The following MGMT variants were observed in gnomAD, a reference collection of about 807,000 sequenced individuals.
The protein encoded by MGMT is O-6-methylguanine-DNA methyltransferase.
In MGMT, 14 loss-of-function variants were observed where a neutral mutation model predicts 15.9. The ratio of observed to expected loss-of-function variants is 0.88; its 90% confidence interval spans 0.58 to 1.37. The LOEUF (loss-of-function observed/expected upper bound fraction) is 1.37, where lower values mean the gene tolerates loss of function less well. Ranked by LOEUF, MGMT falls within the 40% of genes most tolerant of loss-of-function variation. MGMT has a pLI of 0.00. For synonymous variants in MGMT, 130 were observed against 118.2 expected, an observed-to-expected ratio of 1.10 and a Z score of -0.65; for missense variants, 282 against 268.1, an observed-to-expected ratio of 1.05 and a Z score of -0.36.
At chr10:129,568,309 A>G (rs1385337850) in intron 2 of MGMT, among the ~76,000 whole-genome samples, 2 of 152,236 alleles carry the variant, frequency 1.3e-5, no homozygotes, top group African/African-American at 4.8e-5. Context: ...GCAGGTTTAC[A>G]GCTCAGGACA....
intron 2 of MGMT, among the ~76,000 whole-genome samples, chr10:129,544,848 G>A (rs1351010023): frequency 2.0e-5 from 3 of 152,240 alleles, no homozygotes; most frequent in Non-Finnish European, 2.9e-5. Context: ...AACGCCAAGT[G>A]TGGGATTTCT....
At chr10:129,763,318 G>T (rs544241250) in intron 4 of MGMT, among the ~76,000 whole-genome samples, 3 of 152,092 alleles carry the variant, frequency 2.0e-5, no homozygotes, top group Admixed American at 6.6e-5. Flanking sequence ...ATTTCAGCAG[G>T]TTTCATTATC....
intron 1 of MGMT, among the ~76,000 whole-genome samples, chr10:129,494,823 T>G (rs1771399132): frequency 6.6e-6 from 1 of 152,202 alleles, no homozygotes; most frequent in African/African-American, 2.4e-5. Context: ...CTTGTTTGTA[T>G]TTATTTGTTC....
intron 2 of MGMT, among the ~76,000 whole-genome samples, chr10:129,648,998 G>T (rs1392576978): frequency 6.6e-6 from 1 of 152,196 alleles, no homozygotes. Flanking sequence ...GTTCATGCTT[G>T]CGAGCTTTCC....
Position 129,670,391 on chromosome 10 carries a change from T to C in MGMT, c.126-37504T>C, listed in dbSNP as rs533365345. 1.7e-3 allele frequency among the ~76,000 whole-genome samples: 262 copies of C among 152,282 alleles called. 1 individual carries two copies. The highest frequency in any genetic ancestry group is 6.3e-3 in the African/African-American group (260 of 41,560). Reference sequence around the variant, plus strand: ...AAATCTTTTCTTTGGATTTAAAAATTTTTTCTTTGAAAATATTCTTGCCAT... The same window carrying C: ...AAATCTTTTCTTTGGATTTAAAAATCTTTTCTTTGAAAATATTCTTGCCAT... On this transcript the variant is annotated intron_variant, in intron 2 of 4. Coordinates refer to ENST00000651593, the MANE Select transcript of MGMT (RefSeq NM_002412.5).
At chr10:129,679,300 C>T (rs1847820746) in intron 2 of MGMT, among the ~76,000 whole-genome samples, 1 of 152,114 alleles carries the variant, frequency 6.6e-6, no homozygotes, top group Non-Finnish European at 1.5e-5. Flanking sequence ...CACCGGTCCC[C>T]TCTGCTGTGG....
intron 2 of MGMT, among the ~76,000 whole-genome samples, chr10:129,680,902 G>A (rs946581022): frequency 2.0e-5 from 3 of 152,208 alleles, no homozygotes; most frequent in Non-Finnish European, 2.9e-5. Flanking sequence ...GACGCTGCCT[G>A]TGCGTGCTTC....
chr10:129,707,927 T>C lies in MGMT; in HGVS notation c.158T>C (p.Leu53Pro), dbSNP rs773846744. ...AVEVPAPAAV[L>P]GGPEPLMQCT... ...GAGGTCCCAGCCCCCGCTGCGGTTC[T>C]CGGAGGTCCGGAGCCCCTGATGCAG... Residue 53 changes from leucine to proline, a missense_variant, in exon 3 of 5, where the codon CTC becomes CCC. Physicochemically the swap from Leu to Pro is moderately conservative, Grantham distance 98. Coordinates refer to ENST00000651593, the MANE Select transcript of MGMT (RefSeq NM_002412.5). 6.2e-7 allele frequency: 1 copy of C among 1,612,460 alleles called. No homozygotes were observed. The highest frequency in any genetic ancestry group is 1.1e-5 in the South Asian group (1 of 91,052).
chr10:129,658,367 T>C (rs541373185), intron 2 of MGMT, among the ~76,000 whole-genome samples: 25 of 152,314 alleles, frequency 1.6e-4, no homozygotes, highest in South Asian at 1.4e-3. Flanking sequence ...TTATAAAATA[T>C]GCATTGAGAG....
intron 3 of MGMT, among the ~76,000 whole-genome samples, chr10:129,745,752 ATC>A (rs1402555477): frequency 6.6e-6 from 1 of 151,536 alleles, no homozygotes; most frequent in African/African-American, 2.4e-5. Flanking sequence ...CCCTCCTTAT[ATC>A]CTCTTTGGGG....
At chr10:129,547,104 G>A (rs576674987) in intron 2 of MGMT, among the ~76,000 whole-genome samples, 33 of 152,300 alleles carry the variant, frequency 2.2e-4, no homozygotes, top group African/African-American at 7.7e-4. Context: ...TGACAAGGAC[G>A]TTTGTTCAGT....
At chr10:129,499,286 T>G (rs1301870106) in intron 1 of MGMT, among the ~76,000 whole-genome samples, 1 of 152,228 alleles carries the variant, frequency 6.6e-6, no homozygotes, top group African/African-American at 2.4e-5. Flanking sequence ...GGGTTGACAT[T>G]TGGACTCAAA....
At chr10:129,739,188 G>T (rs1848601702) in intron 3 of MGMT, among the ~76,000 whole-genome samples, 1 of 152,138 alleles carries the variant, frequency 6.6e-6, no homozygotes, top group South Asian at 2.1e-4. Context: ...CAAACCCACA[G>T]CCAATATCAT....
chr10:129,502,263 C>T (rs1297276958), intron 1 of MGMT, among the ~76,000 whole-genome samples: 6 of 151,656 alleles, frequency 4.0e-5, no homozygotes, highest in African/African-American at 9.7e-5. Context: ...AGGCTAGTTC[C>T]GTAACCTCCC....
chr10:129,546,837 G>A (rs548024372), intron 2 of MGMT, among the ~76,000 whole-genome samples: 26 of 152,288 alleles, frequency 1.7e-4, no homozygotes, highest in Admixed American at 1.4e-3. Flanking sequence ...GTTTGACTTC[G>A]GGATGCCAGC....
chr10:129,629,018 CCT>C (rs759359774), intron 2 of MGMT, among the ~76,000 whole-genome samples: 13 of 152,352 alleles, frequency 8.5e-5, no homozygotes, highest in Non-Finnish European at 1.6e-4. Context: ...CTTCCTGACA[CCT>C]CTCCTGCAGC....
chr10:129,559,996 C>T (rs1014184492), intron 2 of MGMT, among the ~76,000 whole-genome samples: 8 of 152,154 alleles, frequency 5.3e-5, no homozygotes, highest in Non-Finnish European at 1.2e-4. Context: ...TCAGTCCCAT[C>T]GTATTCATTT....
chr10:129,559,446 G>A (rs1379895483), intron 2 of MGMT, among the ~76,000 whole-genome samples: 1 of 152,146 alleles, frequency 6.6e-6, no homozygotes, highest in East Asian at 1.9e-4. Flanking sequence ...GAGTCCTTAA[G>A]TAATTTGCTA....
intron 3 of MGMT, among the ~76,000 whole-genome samples, chr10:129,726,742 T>C (rs1419248540): frequency 6.6e-6 from 1 of 152,202 alleles, no homozygotes; most frequent in African/African-American, 2.4e-5. Flanking sequence ...CTTCCCCTAC[T>C]CCATAATATG....
Sources: gnomAD v4.1 joint callset for allele counts (sites outside exome capture counted in the v4.1 genomes callset) on GRCh38, gnomAD v4.1.1 for gene constraint, MANE v1.5 for transcripts, NCBI Gene and HGNC (gene_info 2026-07-23, HGNC 2026-07-21) for gene names.